Variants in BAG4 observed in about 807,000 individuals in gnomAD.
BAG4 encodes the protein BAG cochaperone 4, also known as BAG family molecular chaperone regulator 4.
In BAG4, 28 loss-of-function variants were observed where a neutral mutation model predicts 52.1. The ratio of observed to expected loss-of-function variants is 0.54; its 90% confidence interval spans 0.40 to 0.74. BAG4 has a LOEUF of 0.74. Ranked by LOEUF, BAG4 falls within the 30% of genes least tolerant of loss-of-function variation. BAG4 has a pLI of 0.00. For missense variants in BAG4, 525 were observed against 572.0 expected, an observed-to-expected ratio of 0.92 and a Z score of 0.84; for synonymous variants, 208 against 217.0, an observed-to-expected ratio of 0.96 and a Z score of 0.37.
In BAG4 at chr8:38,212,417, T is replaced by C. The variant is rs1803880620; in HGVS notation, c.*1924T>C. 1 of 152,200 alleles carries C rather than the reference T, an allele frequency of 6.6e-6. No individual in the cohort carries two copies. Among genetic ancestry groups the C allele is most frequent in the African/African-American group, 2.4e-5 (1 of 41,450 alleles). 9.4% of individuals were successfully genotyped at this position (152,200 alleles called of 1,614,324 possible). A position where few individuals can be genotyped will look rare whatever the true frequency, so the allele number is the denominator to read the frequency against. On this transcript the variant is annotated 3_prime_UTR_variant, in exon 5 of 5. Coordinates refer to ENST00000287322, the MANE Select transcript of BAG4 (RefSeq NM_004874.4). ...TAGACTTACAGAAGAGTTGTAAAAGTAGTAGAGTTCTTGTATACTCTGCAC... is the reference window on the plus strand; with the variant it reads ...TAGACTTACAGAAGAGTTGTAAAAGCAGTAGAGTTCTTGTATACTCTGCAC...
chr8:38,189,215 G>T (rs1168258646), intron 1 of BAG4, among the ~76,000 whole-genome samples: 2 of 152,130 alleles, frequency 1.3e-5, no homozygotes, highest in Non-Finnish European at 2.9e-5. Flanking sequence ...AAAGTGTTGG[G>T]ATTACAGACG....
intron 1 of BAG4, among the ~76,000 whole-genome samples, chr8:38,184,745 G>T (rs1467336692): frequency 6.6e-6 from 1 of 152,148 alleles, no homozygotes; most frequent in Non-Finnish European, 1.5e-5. Context: ...AAGCTGGGGA[G>T]GGAGAAAGGT....
chr8:38,201,962 C>G (rs926008306), intron 2 of BAG4: 1 of 133,026 alleles, frequency 7.5e-6, no homozygotes, highest in Non-Finnish European at 1.5e-5. Context: ...AGTTGATTAG[C>G]CTGCCATGTG....
chr8:38,194,409 CTTTTTTTT>C (rs750931003), intron 2 of BAG4, among the ~76,000 whole-genome samples: 1 of 78,596 alleles, frequency 1.3e-5, no homozygotes, highest in Non-Finnish European at 2.4e-5. Context: ...TAGGTGTGTA[CTTTTTTTT>C]TTTTTTTTTT....
intron 4 of BAG4, 111 bp from the exon 5 acceptor site, chr8:38,209,897 A>C: frequency 7.1e-7 from 1 of 1,405,716 alleles, no homozygotes; most frequent in South Asian, 1.4e-5. Context: ...ATTGTTAGGG[A>C]ATCTTTTCAT....
At chr8:38,204,794 G>A (rs575554517) in intron 2 of BAG4, among the ~76,000 whole-genome samples, 7 of 152,168 alleles carry the variant, frequency 4.6e-5, no homozygotes, top group South Asian at 2.1e-4. Flanking sequence ...CATGGCCGTC[G>A]TGTATTTATT....
At chr8:38,179,122 T>C (rs1300547808) in intron 1 of BAG4, among the ~76,000 whole-genome samples, 2 of 152,188 alleles carry the variant, frequency 1.3e-5, no homozygotes. Flanking sequence ...TAAACAATTG[T>C]ATGAGAAAAA....
intron 2 of BAG4, among the ~76,000 whole-genome samples, chr8:38,197,707 G>A (rs1563282830): frequency 6.6e-6 from 1 of 152,020 alleles, no homozygotes; most frequent in Non-Finnish European, 1.5e-5. Flanking sequence ...TTTATTTTAA[G>A]TTATTTTTTT....
intron 1 of BAG4, among the ~76,000 whole-genome samples, chr8:38,189,314 T>C (rs1304048527): frequency 6.6e-6 from 1 of 152,176 alleles, no homozygotes; most frequent in East Asian, 1.9e-4. Flanking sequence ...ATACCAGTTT[T>C]ATGAGTAACA....
intron 2 of BAG4, among the ~76,000 whole-genome samples, chr8:38,206,198 C>CT (rs1250156686): frequency 1.3e-5 from 2 of 150,828 alleles, no homozygotes; most frequent in Non-Finnish European, 2.9e-5. Context: ...TCGCTTGAAT[C>CT]TGGGGGGTGG....
intron 1 of BAG4, among the ~76,000 whole-genome samples, chr8:38,184,816 C>T (rs1182041603): frequency 7.9e-5 from 12 of 152,080 alleles, no homozygotes; most frequent in South Asian, 2.1e-4. Context: ...TGCGGCCGGG[C>T]GCAGTGGCTC....
chr8:38,207,515 T>A lies in BAG4; in HGVS notation c.382T>A (p.Leu128Met). The A allele has an allele frequency of 1.2e-6, 2 of 1,607,582 alleles. No homozygotes were observed. Among genetic ancestry groups the A allele is most frequent in the African/African-American group, 2.7e-5 (2 of 74,802 alleles). ...PVRPELQGQSLNSYTNGAYGP... is the reference protein window; with the variant it reads ...PVRPELQGQSMNSYTNGAYGP... ...CACTCAACTTGGTTTTTTTCAGAGT[T>A]TGAATTCTTATACAAATGGAGCGTA... is the stretch of plus-strand genomic sequence containing the variant. Residue 128 changes from leucine (L) to methionine (M), a missense_variant, in exon 3 of 5, where the codon TTG becomes ATG. Transcript: ENST00000287322.
intron 1 of BAG4, among the ~76,000 whole-genome samples, chr8:38,181,026 C>T (rs1022677326): frequency 6.6e-5 from 10 of 151,620 alleles, no homozygotes; most frequent in African/African-American, 1.9e-4. Flanking sequence ...CCGCAAGCTC[C>T]GCCTCTTGGG....
chr8:38,201,848 A>G (rs1290232608), intron 2 of BAG4: 1 of 5,308 alleles, frequency 1.9e-4, no homozygotes, highest in African/African-American at 7.7e-4. Context: ...ATATATATAT[A>G]TATATATATA....
chr8:38,191,647 C>A lies in BAG4; in HGVS notation c.271-1041C>A, dbSNP rs1803475456. On this transcript the variant is annotated intron_variant, in intron 1 of 4. Coordinates refer to ENST00000287322, the MANE Select transcript of BAG4 (RefSeq NM_004874.4). Reference sequence around the variant, plus strand: ...TGGTGGCAGGTGCCTGTAATCCCAGCTATTCAGGAGGCTGAGGCAGGAAAA... The same window carrying A: ...TGGTGGCAGGTGCCTGTAATCCCAGATATTCAGGAGGCTGAGGCAGGAAAA... Among the ~76,000 whole-genome samples, 3 of 150,946 alleles carry A rather than the reference C, an allele frequency of 2.0e-5. No homozygotes were observed. The Admixed American group carries it at 2.0e-4, about 10-fold the overall frequency.
chr8:38,189,452 T>C (rs936492489), intron 1 of BAG4, among the ~76,000 whole-genome samples: 4 of 152,224 alleles, frequency 2.6e-5, no homozygotes, highest in African/African-American at 9.6e-5. Context: ...TCTCTGTGGT[T>C]ATGTTACCAA....
rs1270524102 is a variant in BAG4, at chr8:38,209,053, G to C, written c.674G>C (p.Gly225Ala). 4 of 1,614,058 alleles carry C rather than the reference G, an allele frequency of 2.5e-6. No individual in the cohort carries two copies. Among genetic ancestry groups the C allele is most frequent in the Non-Finnish European group, 3.4e-6 (4 of 1,180,040 alleles). ...CTGCCCCATTATCCTTATGGAGATG[G>C]TAATCGTAGTGTTCCACAATCAGGA... ...MTLPHYPYGD[G>A]NRSVPQSGPT... The change falls in exon 4 of 5, where the codon GGT becomes GCT. Residue 225 changes from glycine (G) to alanine (A), a missense_variant. Gly to Ala is a moderately conservative substitution (Grantham distance 60). Coordinates refer to ENST00000287322, the MANE Select transcript of BAG4 (RefSeq NM_004874.4).
Position 38,211,173 on chromosome 8 carries a change from A to G in BAG4, c.*680A>G, listed in dbSNP as rs1384351647. ...GTGAGTAAATTGTCTCCCTTTTTCT[A>G]TAGATCATTAGGTTAGAGTTTTTTT... On this transcript the variant is annotated 3_prime_UTR_variant, in exon 5 of 5. Coordinates refer to ENST00000287322, the MANE Select transcript of BAG4 (RefSeq NM_004874.4). 1 of 136,052 alleles carries G rather than the reference A, an allele frequency of 7.4e-6. No homozygotes were observed. The highest frequency in any genetic ancestry group is 2.7e-5 in the African/African-American group (1 of 36,628). 8.4% of individuals were successfully genotyped at this position (136,052 alleles called of 1,614,324 possible).
In BAG4 at chr8:38,207,739, G is replaced by A. The variant is rs774628899; in HGVS notation, c.606G>A (p.Gly202=). Residue 202 remains glycine (G), a synonymous_variant, in exon 3 of 5, where the codon GGG becomes GGA. Coordinates refer to ENST00000287322, the MANE Select transcript of BAG4 (RefSeq NM_004874.4). Reference sequence around the variant, plus strand: ...AGACTGAAGCACCCCCTCTTAGGGGGCAGGTTCCAGGATATCCGCCTTCAC... The same window carrying A: ...AGACTGAAGCACCCCCTCTTAGGGGACAGGTTCCAGGATATCCGCCTTCAC... ...DCQTEAPPLR[G]QVPGYPPSQN... is the part of the protein sequence containing the mutation. 8.1e-6 allele frequency: 13 copies of A among 1,614,180 alleles called. No homozygotes were observed. The highest frequency in any genetic ancestry group is 4.4e-5 in the South Asian group (4 of 91,086).
Sources: gnomAD v4.1 joint callset for allele counts (sites outside exome capture counted in the v4.1 genomes callset) on GRCh38, gnomAD v4.1.1 for gene constraint, MANE v1.5 for transcripts, NCBI Gene and HGNC (gene_info 2026-07-23, HGNC 2026-07-21) for gene names.